The following RYR3 variants were observed in gnomAD, a reference collection of about 807,000 sequenced individuals.
The protein encoded by RYR3 is brain ryanodine receptor-calcium release channel.
Under a neutral mutation model 584.3 loss-of-function variants are expected in RYR3, and 207 were observed. That is an observed-to-expected ratio of 0.35 (90% confidence interval 0.32 to 0.40). The LOEUF (loss-of-function observed/expected upper bound fraction) is 0.40, where lower values mean the gene tolerates loss of function less well. Ranked by LOEUF, RYR3 falls within the 10% of genes least tolerant of loss-of-function variation. The pLI is 1.00. For missense variants in RYR3, 5,616 were observed against 6,089.2 expected (o/e 0.92, Z 2.59); for synonymous variants, 2,416 against 2,248.5 (o/e 1.07, Z -2.11).
intron 38 of RYR3, among the ~76,000 whole-genome samples, chr15:33,681,463 T>G (rs2064608337): frequency 6.6e-6 from 1 of 152,218 alleles, no homozygotes; most frequent in Non-Finnish European, 1.5e-5. Context: ...AAGTCTCTTT[T>G]GTAAGGTAAC....
intron 12 of RYR3, among the ~76,000 whole-genome samples, chr15:33,570,722 CTATT>C (rs910130190): frequency 1.3e-5 from 2 of 152,122 alleles, no homozygotes; most frequent in South Asian, 2.1e-4. Flanking sequence ...CATAAAATGT[CTATT>C]TATTTTTTAA....
At position 33,644,539 on chromosome 15, in the gene RYR3, G is replaced by A. The variant is rs768571542; in HGVS notation, c.3765+20G>A. On this transcript the variant is annotated intron_variant, in intron 28 of 103. Transcript: ENST00000634891. ...ATAGAGGTAATGTTACACAATGTGTGTGGCCCTGGCAGGTCAGGTGGGCCA... is the reference window on the plus strand; with the variant it reads ...ATAGAGGTAATGTTACACAATGTGTATGGCCCTGGCAGGTCAGGTGGGCCA... 1.2e-5 allele frequency: 20 copies of A among 1,600,760 alleles called. No homozygotes were observed. The highest frequency in any genetic ancestry group is 1.7e-5 in the Non-Finnish European group (20 of 1,169,276).
chr15:33,746,214 AT>A (rs2070699633), intron 53 of RYR3, 57 bp downstream of exon 53: 1 of 1,218,992 alleles, frequency 8.2e-7, no homozygotes, highest in Non-Finnish European at 1.2e-6. Context: ...TCCTTGAGTG[AT>A]TTTATCAGAG....
chr15:33,716,959 A>G (rs2067540419), intron 43 of RYR3, among the ~76,000 whole-genome samples: 1 of 152,130 alleles, frequency 6.6e-6, no homozygotes, highest in African/African-American at 2.4e-5. Context: ...GATTTTCATC[A>G]TCTTATTGAG....
At chr15:33,763,949 G>T (rs967973646) in intron 60 of RYR3, among the ~76,000 whole-genome samples, 2 of 148,804 alleles carry the variant, frequency 1.3e-5, no homozygotes, top group African/African-American at 5.0e-5. Context: ...GAGAGGATGT[G>T]GAGAAATAGG....
At chr15:33,367,115 A>G (rs1169299778) in intron 1 of RYR3, among the ~76,000 whole-genome samples, 1 of 152,226 alleles carries the variant, frequency 6.6e-6, no homozygotes, top group Non-Finnish European at 1.5e-5. Flanking sequence ...TTATTACTAT[A>G]AGTAAATTAT....
intron 67 of RYR3, among the ~76,000 whole-genome samples, chr15:33,793,738 C>A (rs1181934869): frequency 6.6e-6 from 1 of 151,842 alleles, no homozygotes; most frequent in Non-Finnish European, 1.5e-5. Flanking sequence ...TTTGGGGGAA[C>A]ATTGGTAACT....
intron 3 of RYR3, among the ~76,000 whole-genome samples, chr15:33,522,983 C>T (rs2054117701): frequency 1.3e-5 from 2 of 152,162 alleles, no homozygotes; most frequent in South Asian, 2.1e-4. Context: ...CCATCAGTTC[C>T]TTTGGTGTCA....
intron 93 of RYR3, among the ~76,000 whole-genome samples, chr15:33,846,686 G>A (rs1267934551): frequency 2.0e-5 from 3 of 152,128 alleles, no homozygotes; most frequent in Admixed American, 6.5e-5. Context: ...CTACACTAAG[G>A]ACTCTATTGC....
chr15:33,462,941 G>GATTA (rs2048165444), intron 1 of RYR3, among the ~76,000 whole-genome samples: 1 of 151,874 alleles, frequency 6.6e-6, no homozygotes, highest in Non-Finnish European at 1.5e-5. Context: ...AGCACTTTGG[G>GATTA]AGGCTGATTG....
intron 13 of RYR3, among the ~76,000 whole-genome samples, chr15:33,580,354 T>G (rs2058526952): frequency 2.0e-5 from 3 of 152,188 alleles, no homozygotes; most frequent in Admixed American, 2.0e-4. Context: ...CAAACCAGAT[T>G]ACATTTTAAA....
At position 33,663,553 on chromosome 15, in the gene RYR3, G is replaced by C. The variant is rs2063294523; in HGVS notation, c.5435G>C (p.Ser1812Thr). ...TCATTGCAGATGTGTGAGCTCCTCA[G>C]CTATCTCTGCGACTGTGAGCTGCAG... ...SVKLQMCELLSYLCDCELQHR... is the reference protein window; with the variant it reads ...SVKLQMCELLTYLCDCELQHR... The change falls in exon 36 of 104, where the codon AGC becomes ACC. Residue 1812 changes from serine to threonine, a missense_variant. Around this residue, in one of 9 missense-constraint regions of RYR3, gnomAD observed 753 missense variants for 741.0 expected, o/e 1.02. Transcript: ENST00000634891. 1.2e-6 allele frequency: 2 copies of C among 1,613,750 alleles called. No homozygotes were observed. The highest frequency in any genetic ancestry group is 1.7e-6 in the Non-Finnish European group (2 of 1,179,802).
chr15:33,425,637 A>ATTTTTTTTTTTTTTTTT (rs68182512), intron 1 of RYR3, among the ~76,000 whole-genome samples: 1 of 121,804 alleles, frequency 8.2e-6, no homozygotes, highest in African/African-American at 3.3e-5. Context: ...GAGACTCACA[A>ATTTTTTTTTTTTTTTTT]TTTTTTTTTT....
At chr15:33,440,757 T>C (rs2046155138) in intron 1 of RYR3, among the ~76,000 whole-genome samples, 2 of 152,222 alleles carry the variant, frequency 1.3e-5, no homozygotes, top group African/African-American at 4.8e-5. Context: ...CCGTAAAACC[T>C]GGCTCTTTAA....
intron 18 of RYR3, among the ~76,000 whole-genome samples, chr15:33,610,479 TCTGG>T (rs1393625494): frequency 5.3e-5 from 8 of 152,138 alleles, no homozygotes; most frequent in Non-Finnish European, 8.8e-5. Context: ...AGGTGTAGTA[TCTGG>T]CACATAGGAG....
chr15:33,652,943 T>A, intron 32 of RYR3, 60 bp downstream of exon 32: 1 of 1,505,358 alleles, frequency 6.6e-7, no homozygotes, highest in Non-Finnish European at 9.0e-7. Flanking sequence ...TATCACTGTG[T>A]TCCTTGTTCT....
At position 33,861,288 on chromosome 15, in the gene RYR3, A is replaced by G. The variant is rs115356649; in HGVS notation, c.14465+110A>G. ...AAAGAGTAACCAGAAAGGAACTTCCAGGAGTCCCCATGAGCCTGTACCTTT... is the reference window on the plus strand; with the variant it reads ...AAAGAGTAACCAGAAAGGAACTTCCGGGAGTCCCCATGAGCCTGTACCTTT... On this transcript the variant is annotated intron_variant, in intron 102 of 103. Coordinates refer to ENST00000634891, the MANE Select transcript of RYR3 (RefSeq NM_001036.6). 0.011 allele frequency: 7,837 copies of G among 714,094 alleles called. 464 individuals are homozygous for G. The African/African-American group carries it at 0.12, about 11-fold the overall frequency. 44.2% of individuals were successfully genotyped at this position (714,094 alleles called of 1,614,324 possible). A position where few individuals can be genotyped will look rare whatever the true frequency, so the allele number is the denominator to read the frequency against.
At chr15:33,862,071 C>G (rs1430573961) in intron 102 of RYR3, among the ~76,000 whole-genome samples, 4 of 151,952 alleles carry the variant, frequency 2.6e-5, no homozygotes, top group South Asian at 2.1e-4. Context: ...AAACTTAAAA[C>G]AGAATGTATA....
At chr15:33,564,407 G>A (rs998901139) in intron 11 of RYR3, among the ~76,000 whole-genome samples, 1 of 152,302 alleles carries the variant, frequency 6.6e-6, no homozygotes, top group African/African-American at 2.4e-5. Flanking sequence ...TGACAAGTTG[G>A]AATTGCCCTG....
Sources: gnomAD v4.1 joint callset for allele counts (sites outside exome capture counted in the v4.1 genomes callset) on GRCh38, gnomAD v4.1.1 for gene constraint, gnomAD v4.1.1 regional missense constraint, MANE v1.5 for transcripts, NCBI Gene and HGNC (gene_info 2026-07-23, HGNC 2026-07-21) for gene names.